Variants in PCMTD1 observed in about 807,000 individuals in gnomAD.
The protein encoded by PCMTD1 is protein-L-isoaspartate O-methyltransferase domain-containing protein 1.
PCMTD1 carries 12 observed loss-of-function variants against 37.6 expected under a neutral mutation model. The ratio of observed to expected loss-of-function variants is 0.32; its 90% confidence interval spans 0.20 to 0.52. The LOEUF (loss-of-function observed/expected upper bound fraction) is 0.52. Ranked by LOEUF, PCMTD1 falls within the 20% of genes least tolerant of loss-of-function variation. PCMTD1 has a pLI of 0.97. For synonymous variants in PCMTD1, 117 were observed against 135.8 expected (o/e 0.86, Z 0.96); for missense variants, 235 against 421.3 (o/e 0.56, Z 3.87).
chr8:51,867,476 G>GTGT (rs1241435002), intron 1 of PCMTD1, among the ~76,000 whole-genome samples: 1 of 141,484 alleles, frequency 7.1e-6, no homozygotes, highest in African/African-American at 2.7e-5. Flanking sequence ...TAAAGAAAAT[G>GTGT]GTGTGTGTGT....
intron 1 of PCMTD1, among the ~76,000 whole-genome samples, chr8:51,877,237 C>T (rs181989472): frequency 1.2e-4 from 18 of 152,286 alleles, no homozygotes; most frequent in Admixed American, 8.5e-4. Context: ...TAACCTGATG[C>T]GGTCACTTTA....
At chr8:51,873,806 C>G (rs1180511129) in intron 1 of PCMTD1, among the ~76,000 whole-genome samples, 2 of 152,264 alleles carry the variant, frequency 1.3e-5, no homozygotes, top group African/African-American at 4.8e-5. Flanking sequence ...AGAAGCCAAA[C>G]AGATGTCAGT....
At chr8:51,850,657 A>T (rs1430998178) in intron 2 of PCMTD1, among the ~76,000 whole-genome samples, 1 of 152,196 alleles carries the variant, frequency 6.6e-6, no homozygotes, top group African/African-American at 2.4e-5. Context: ...GCTACCAATA[A>T]AAGTATTTTG....
At chr8:51,850,554 T>C (rs1298471647) in intron 2 of PCMTD1, among the ~76,000 whole-genome samples, 3 of 152,178 alleles carry the variant, frequency 2.0e-5, no homozygotes, top group Non-Finnish European at 4.4e-5. Context: ...CTCCTAATTA[T>C]GATAAAGCCC....
intron 1 of PCMTD1, among the ~76,000 whole-genome samples, chr8:51,863,844 T>C (rs1407041653): frequency 6.6e-6 from 1 of 151,898 alleles, no homozygotes; most frequent in African/African-American, 2.4e-5. Flanking sequence ...GGAGAACTGC[T>C]TGAACTTGGG....
intron 2 of PCMTD1, among the ~76,000 whole-genome samples, chr8:51,859,164 C>G: frequency 6.6e-6 from 1 of 152,028 alleles, no homozygotes; most frequent in South Asian, 2.1e-4. Flanking sequence ...GCTGGCCAAA[C>G]ATGGTATAAG....
At chr8:51,852,710 A>C (rs548081792) in intron 2 of PCMTD1, among the ~76,000 whole-genome samples, 4 of 152,312 alleles carry the variant, frequency 2.6e-5, no homozygotes, top group African/African-American at 7.2e-5. Flanking sequence ...GATACTTTTG[A>C]ATTTTCAGCC....
rs150431844 is a variant in PCMTD1, at chr8:51,860,789, A to C, written c.307+56T>G. On this transcript the variant is annotated intron_variant, in intron 2 of 5. Transcript: ENST00000522514. ...AAGTTACAACTCCTATAAATCATAA[A>C]CCATAATACAAAATGGCTTATTTTT... 6 of 1,378,090 alleles carry C rather than the reference A, an allele frequency of 4.4e-6. No homozygotes were observed. In the African/African-American group the frequency reaches 7.3e-5, roughly 17 times the overall value. The allele number at this position is 1,378,090 out of a possible 1,614,324, so 85.4% of individuals were successfully genotyped here.
At chr8:51,829,136 G>A (rs2037963855) in intron 5 of PCMTD1, among the ~76,000 whole-genome samples, 1 of 152,164 alleles carries the variant, frequency 6.6e-6, no homozygotes, top group South Asian at 2.1e-4. Context: ...CTTTCTAAAT[G>A]AGATCACAGT....
chr8:51,820,780 A>T (rs1213282167), intron 5 of PCMTD1, 62 bp from the exon 6 acceptor site: 37 of 1,360,604 alleles, frequency 2.7e-5, no homozygotes, highest in Non-Finnish European at 2.9e-6. Flanking sequence ...TCTATTGTTT[A>T]TTTTTTTCAT....
chr8:51,852,691 A>T (rs1266551838), intron 2 of PCMTD1, among the ~76,000 whole-genome samples: 5 of 152,208 alleles, frequency 3.3e-5, no homozygotes, highest in Non-Finnish European at 5.9e-5. Context: ...ATTTCAAAGT[A>T]TGCCTTTTGA....
chr8:51,893,752 A>C (rs549108652), intron 1 of PCMTD1, among the ~76,000 whole-genome samples: 69 of 152,366 alleles, frequency 4.5e-4, no homozygotes, highest in African/African-American at 1.6e-3. Context: ...GATAGCCTAC[A>C]ACAAGAAATT....
intron 1 of PCMTD1, among the ~76,000 whole-genome samples, chr8:51,893,215 A>G (rs932686566): frequency 1.3e-5 from 2 of 152,200 alleles, no homozygotes; most frequent in Non-Finnish European, 2.9e-5. Context: ...TTCTTAACAG[A>G]ATTATATTTT....
At chr8:51,835,480 GTAAT>G (rs2038056118) in intron 3 of PCMTD1, among the ~76,000 whole-genome samples, 1 of 152,140 alleles carries the variant, frequency 6.6e-6, no homozygotes, top group African/African-American at 2.4e-5. Flanking sequence ...TGGCTTTTAA[GTAAT>G]TAGATACTGT....
intron 1 of PCMTD1, among the ~76,000 whole-genome samples, chr8:51,894,571 GGAT>G (rs2129296412): frequency 6.6e-6 from 1 of 152,310 alleles, no homozygotes; most frequent in South Asian, 2.1e-4. Context: ...TGAGAACAAA[GGAT>G]TCAGCACACT....
chr8:51,849,251 G>A (rs550855539), intron 2 of PCMTD1: 2 of 151,670 alleles, frequency 1.3e-5, no homozygotes, highest in Admixed American at 1.3e-4. Flanking sequence ...GCTACTGAAA[G>A]ATTAAAAAAA....
chr8:51,873,575 T>G (rs567547857), intron 1 of PCMTD1, among the ~76,000 whole-genome samples: 55 of 152,286 alleles, frequency 3.6e-4, no homozygotes, highest in South Asian at 1.0e-3. Flanking sequence ...AAATCCCATG[T>G]TGAACTGTAA....
At chr8:51,831,333 T>A in intron 5 of PCMTD1, 111 bp downstream of exon 5, 3 of 1,081,864 alleles carry the variant, frequency 2.8e-6, no homozygotes, top group Non-Finnish European at 3.8e-6. Context: ...CCACCAAATA[T>A]CTTACTGCAT....
intron 5 of PCMTD1, among the ~76,000 whole-genome samples, chr8:51,822,717 G>A (rs908192126): frequency 6.6e-5 from 10 of 152,112 alleles, no homozygotes; most frequent in African/African-American, 2.4e-4. Context: ...GGGCAAGGTC[G>A]GGGCTGGAGA....
Sources: gnomAD v4.1 joint callset for allele counts (sites outside exome capture counted in the v4.1 genomes callset) on GRCh38, gnomAD v4.1.1 for gene constraint, MANE v1.5 for transcripts, NCBI Gene and HGNC (gene_info 2026-07-23, HGNC 2026-07-21) for gene names.